Variants in TFEC observed in about 807,000 individuals in gnomAD.
The protein encoded by TFEC is transcription factor EC, also known as class E basic helix-loop-helix protein 34.
In TFEC, 31 loss-of-function variants were observed where a neutral mutation model predicts 41.6. That is an observed-to-expected ratio of 0.74 (90% CI 0.56 to 1.01). TFEC has a LOEUF of 1.01. TFEC is among the 50% of genes least tolerant of loss of function. The pLI is 0.00. For synonymous variants in TFEC, 143 were observed against 140.6 expected (o/e 1.02, Z -0.12); for missense variants, 402 against 404.1 (o/e 0.99, Z 0.04).
At chr7:116,051,331 G>A (rs1437898516) in intron 3 of TFEC, among the ~76,000 whole-genome samples, 1 of 152,138 alleles carries the variant, frequency 6.6e-6, no homozygotes, top group African/African-American at 2.4e-5. Context: ...ACCTTTTGAG[G>A]AGGTACTATT....
chr7:115,941,748 G>T, intron 7 of TFEC, 145 bp downstream of exon 7: 3 of 1,088,098 alleles, frequency 2.8e-6, no homozygotes, highest in Admixed American at 2.7e-5. Context: ...CCCAATTCAC[G>T]AACTTCTAAA....
Position 115,945,061 on chromosome 7 carries a change from A to G in TFEC, c.516-3021T>C, listed in dbSNP as rs182667180. ...TTTTTATTTTTTAAAAACTGTTCTT[A>G]GTCATTTTAATGGTTGTAGTCACCT... On this transcript the variant is annotated intron_variant, in intron 6 of 7. Coordinates refer to ENST00000265440, the MANE Select transcript of TFEC (RefSeq NM_012252.4). Among the ~76,000 whole-genome samples, 9 of 149,464 alleles carry G rather than the reference A, an allele frequency of 6.0e-5. No homozygotes were observed. In the East Asian group the frequency reaches 1.8e-3, roughly 30 times the overall value.
At chr7:116,050,288 T>C (rs1796276469) in intron 3 of TFEC, among the ~76,000 whole-genome samples, 1 of 151,954 alleles carries the variant, frequency 6.6e-6, no homozygotes, top group African/African-American at 2.4e-5. Context: ...CAATAAAAAA[T>C]GATAAAGGGG....
upstream of TFEC, among the ~76,000 whole-genome samples, chr7:116,035,408 T>A (rs910174645): frequency 3.9e-5 from 6 of 152,128 alleles, no homozygotes; most frequent in African/African-American, 1.4e-4. Flanking sequence ...CTTGTGTGTA[T>A]GTGTATGAAC....
intron 1 of TFEC, among the ~76,000 whole-genome samples, chr7:116,153,718 A>C (rs891039750): frequency 2.6e-4 from 40 of 152,200 alleles, no homozygotes; most frequent in African/African-American, 7.7e-4. Context: ...TAAAATGTAT[A>C]ATGAAGTAAA....
intron 1 of TFEC, among the ~76,000 whole-genome samples, chr7:116,158,558 G>T (rs1798914985): frequency 6.6e-6 from 1 of 151,744 alleles, no homozygotes; most frequent in African/African-American, 2.4e-5. Context: ...CAAAATTCTG[G>T]CACAATTCTC....
intron 6 of TFEC, among the ~76,000 whole-genome samples, chr7:115,944,887 C>T (rs1202563915): frequency 6.6e-6 from 1 of 151,276 alleles, no homozygotes; most frequent in Non-Finnish European, 1.5e-5. Context: ...ATTCTCTTTA[C>T]ATGTAATACT....
chr7:116,058,241 G>C (rs185721475), intron 3 of TFEC, among the ~76,000 whole-genome samples: 1 of 151,614 alleles, frequency 6.6e-6, no homozygotes, highest in South Asian at 2.1e-4. Flanking sequence ...GGCTATATTC[G>C]TACCAATTAA....
chr7:115,943,208 C>T (rs892682008), intron 6 of TFEC, among the ~76,000 whole-genome samples: 1 of 151,798 alleles, frequency 6.6e-6, no homozygotes, highest in Non-Finnish European at 1.5e-5. Flanking sequence ...GGCTGTTGGT[C>T]TCATTCCACT....
chr7:115,977,501 C>G (rs1462250577), intron 2 of TFEC, among the ~76,000 whole-genome samples: 2 of 152,022 alleles, frequency 1.3e-5, no homozygotes, highest in Non-Finnish European at 2.9e-5. Context: ...TTATAGCCAA[C>G]AAAGTATCTT....
At chr7:116,137,900 A>T (rs946428657) in intron 1 of TFEC, among the ~76,000 whole-genome samples, 1 of 152,050 alleles carries the variant, frequency 6.6e-6, no homozygotes, top group Non-Finnish European at 1.5e-5. Context: ...ATAAATAATT[A>T]TAAATTTGAA....
intron 3 of TFEC, among the ~76,000 whole-genome samples, chr7:116,060,353 C>T (rs546173102): frequency 6.6e-6 from 1 of 152,260 alleles, no homozygotes; most frequent in South Asian, 2.1e-4. Flanking sequence ...CTAGCAATCC[C>T]ATTACTGGAT....
chr7:116,152,073 T>C (rs1798773619), intron 1 of TFEC, among the ~76,000 whole-genome samples: 1 of 151,688 alleles, frequency 6.6e-6, no homozygotes, highest in African/African-American at 2.4e-5. Context: ...AGATTAAACT[T>C]TGAATTAATA....
intron 3 of TFEC, among the ~76,000 whole-genome samples, chr7:116,050,674 T>C (rs1012982791): frequency 6.8e-6 from 1 of 147,924 alleles, no homozygotes; most frequent in Non-Finnish European, 1.5e-5. Flanking sequence ...TGTAGAGAAA[T>C]AGGAACACTT....
intron 1 of TFEC, among the ~76,000 whole-genome samples, chr7:116,142,454 A>T (rs1390855678): frequency 1.3e-5 from 2 of 152,030 alleles, no homozygotes; most frequent in East Asian, 3.9e-4. Context: ...GTACTGTATG[A>T]CTCCCACCGC....
chr7:116,068,095 A>G (rs887906659), intron 3 of TFEC, among the ~76,000 whole-genome samples: 1 of 151,964 alleles, frequency 6.6e-6, no homozygotes. Flanking sequence ...AATACTTACT[A>G]TATTTCAAAT....
At chr7:116,011,391 T>C (rs942478187) in intron 1 of TFEC, among the ~76,000 whole-genome samples, 10 of 152,254 alleles carry the variant, frequency 6.6e-5, no homozygotes, top group African/African-American at 2.2e-4. Context: ...AAAACTCAAA[T>C]AGGTCTCCAC....
intron 6 of TFEC, among the ~76,000 whole-genome samples, chr7:115,945,890 C>T (rs1584554011): frequency 1.3e-5 from 2 of 151,802 alleles, no homozygotes; most frequent in East Asian, 2.0e-4. Flanking sequence ...TTGTCTGTGT[C>T]TGCTTTCATG....
At chr7:116,121,971 A>G (rs1427117403) in intron 1 of TFEC, among the ~76,000 whole-genome samples, 1 of 152,012 alleles carries the variant, frequency 6.6e-6, no homozygotes, top group African/African-American at 2.4e-5. Flanking sequence ...TTGACAACCT[A>G]ATTTTCCGAA....
Sources: gnomAD v4.1 joint callset for allele counts (sites outside exome capture counted in the v4.1 genomes callset) on GRCh38, gnomAD v4.1.1 for gene constraint, MANE v1.5 for transcripts, NCBI Gene and HGNC (gene_info 2026-07-23, HGNC 2026-07-21) for gene names.